Variants in DNAH1 observed in about 807,000 individuals in gnomAD.
DNAH1 encodes axonemal beta dynein heavy chain 1.
In DNAH1, 327 loss-of-function variants were observed where a neutral mutation model predicts 484.3. The ratio of observed to expected loss-of-function variants is 0.68; its 90% CI spans 0.62 to 0.74. The LOEUF is 0.74. Ranked by LOEUF, DNAH1 falls within the 30% of genes least tolerant of loss-of-function variation. DNAH1 has a pLI of 0.00. For missense variants in DNAH1, 5,052 were observed against 5,546.8 expected (o/e 0.91, Z 2.83); for synonymous variants, 2,192 against 2,191.9 (o/e 1.00, Z 0.00).
intron 3 of DNAH1, among the ~76,000 whole-genome samples, chr3:52,324,224 T>C (rs1222231175): frequency 6.6e-6 from 1 of 152,198 alleles, no homozygotes; most frequent in Non-Finnish European, 1.5e-5. Context: ...AGGCCAGGAC[T>C]GTCTGAGTTG....
intron 53 of DNAH1, 77 bp from the exon 54 acceptor site, chr3:52,385,260 A>G (rs1578187010): frequency 7.0e-7 from 1 of 1,420,264 alleles, no homozygotes; most frequent in Non-Finnish European, 9.7e-7. Context: ...TCTCTCATGA[A>G]TGAGGGCGGC....
chr3:52,390,832 A>ATT (rs1704339652), intron 60 of DNAH1, 103 bp from the exon 61 acceptor site: 2 of 1,499,906 alleles, frequency 1.3e-6, no homozygotes, highest in Non-Finnish European at 1.8e-6. Context: ...CAGTAAGGAG[A>ATT]GGGAAGTCCA....
chr3:52,369,770 C>A (rs995204620), intron 37 of DNAH1, 55 bp from the exon 38 acceptor site: 1 of 1,554,094 alleles, frequency 6.4e-7, no homozygotes, highest in Admixed American at 1.8e-5. Flanking sequence ...GCAGCCCTTT[C>A]TCCAGGCCTG....
chr3:52,376,180 C>T lies in DNAH1; in HGVS notation c.7198+187C>T, dbSNP rs374576660. Among the ~76,000 whole-genome samples the T allele has an allele frequency of 3.3e-5, 5 of 152,268 alleles. No homozygotes were observed. The East Asian group carries it at 9.6e-4, about 29-fold the overall frequency. On this transcript the variant is annotated intron_variant, in intron 46 of 77. Coordinates refer to ENST00000420323, the MANE Select transcript of DNAH1 (RefSeq NM_015512.5). ...ACTGGCTGCCCCATAGGCTCATTCACCCATTCTTAGAGCCCTTCCATGCCT... is the reference window on the plus strand; with the variant it reads ...ACTGGCTGCCCCATAGGCTCATTCATCCATTCTTAGAGCCCTTCCATGCCT...
At chr3:52,374,664 A>G in intron 44 of DNAH1, 3 of 1,454,460 alleles carry the variant, frequency 2.1e-6, no homozygotes, top group Non-Finnish European at 2.9e-6. Context: ...GATTCTGCCC[A>G]TCATGTTTCC....
In DNAH1 at chr3:52,361,508, G is replaced by A. The variant is rs1052848871; in HGVS notation, c.4875-153G>A. Among the ~76,000 whole-genome samples the A allele has an allele frequency of 2.0e-5, 3 of 152,200 alleles. No homozygotes were observed. Among genetic ancestry groups the A allele is most frequent in the African/African-American group, 7.2e-5 (3 of 41,452 alleles). On this transcript the variant is annotated intron_variant, in intron 29 of 77. Coordinates refer to ENST00000420323, the MANE Select transcript of DNAH1 (RefSeq NM_015512.5). This position sits in a 1 kb window ranked among gnomAD's most constrained non-coding sequence, Gnocchi z 5.6. ...ATCACGGCTTGGTCCTGGGGGCATTGGGGTGGGGAGTGGCAGTGGGTTGAA... is the reference window on the plus strand; with the variant it reads ...ATCACGGCTTGGTCCTGGGGGCATTAGGGTGGGGAGTGGCAGTGGGTTGAA...
Position 52,355,838 on chromosome 3 carries a change from T to A in DNAH1, c.3694-776T>A, listed in dbSNP as rs567387007. The stretch of plus-strand genomic sequence containing the variant: ...CAGCCTTGCCGACTCTCCCTCACCA[T>A]CCTTCAAGGGGTTCCCACCGAGGCC... On this transcript the variant is annotated intron_variant, in intron 21 of 77. Coordinates refer to ENST00000420323, the MANE Select transcript of DNAH1 (RefSeq NM_015512.5). The surrounding 1 kb of genome is among the most constrained non-coding windows in gnomAD (Gnocchi z 4.5). Among the ~76,000 whole-genome samples the A allele has an allele frequency of 3.9e-5, 6 of 152,330 alleles. No homozygotes were observed. The highest frequency in any genetic ancestry group is 1.4e-4 in the African/African-American group (6 of 41,578).
In DNAH1 at chr3:52,351,992, C is replaced by T; in HGVS notation, c.2760C>T (p.Ile920=). The T allele has an allele frequency of 6.2e-7, 1 of 1,602,170 alleles. No individual in the cohort carries two copies. The highest frequency in any genetic ancestry group is 8.5e-7 in the Non-Finnish European group (1 of 1,174,636). The change falls in exon 17 of 78, where the codon ATC becomes ATT. Residue 920 remains isoleucine, a synonymous_variant. Coordinates refer to ENST00000420323, the MANE Select transcript of DNAH1 (RefSeq NM_015512.5). ...KWIASNWPSK[I]LGQIELVQQQ... ...TTGCCAGCAACTGGCCTTCTAAGAT[C>T]CTTGGGCAGATAGAGCTGGTGCAGC...
At chr3:52,352,953 G>A in intron 18 of DNAH1, 150 bp from the exon 19 acceptor site, 1 of 970,884 alleles carries the variant, frequency 1.0e-6, no homozygotes, top group Non-Finnish European at 1.5e-6. Context: ...AGAGAAGAAG[G>A]GAGGCCAGGC....
chr3:52,396,760 A>G lies in DNAH1; in HGVS notation c.11573A>G (p.Lys3858Arg), dbSNP rs1578207734. Residue 3858 changes from lysine to arginine, a missense_variant, in exon 72 of 78, where the codon AAG (lysine) becomes AGG (arginine). Lys to Arg is a conservative substitution (Grantham distance 26, BLOSUM62 2). Coordinates refer to ENST00000420323, the MANE Select transcript of DNAH1 (RefSeq NM_015512.5). The stretch of plus-strand genomic sequence containing the variant: ...CTGCGCATCTGCATCAGCCAGCTCA[A>G]GATGTTCCTGGACGAATATGATGAC... Reference protein sequence around the residue: ...GDLRICISQLKMFLDEYDDIP... With the variant: ...GDLRICISQLRMFLDEYDDIP... 1 of 1,613,780 alleles carries G rather than the reference A, an allele frequency of 6.2e-7. No homozygotes were observed. The highest frequency in any genetic ancestry group is 1.3e-5 in the African/African-American group (1 of 75,032).
chr3:52,347,902 G>A lies in DNAH1; in HGVS notation c.2034G>A (p.Gln678=), dbSNP rs1702211719. The change falls in exon 12 of 78, where the codon CAG becomes CAA. Residue 678 remains glutamine (Q), a synonymous_variant. Transcript: ENST00000420323. ...SGVHYSTPLE[Q]FEASLLNLFD... ...TGCACTATAGCACCCCACTGGAGCA[G>A]TTTGAGGCATCTCTGCTGAACCTCT... 1 of 1,609,434 alleles carries A rather than the reference G, an allele frequency of 6.2e-7. No homozygotes were observed.
rs1293902980 is a variant in DNAH1 at position 52,354,914 on chromosome 3, C to T, written c.3552C>T (p.Thr1184=). The T allele has an allele frequency of 3.7e-6, 6 of 1,613,930 alleles. No individual in the cohort carries two copies. Among genetic ancestry groups the T allele is most frequent in the Admixed American group, 1.7e-5 (1 of 60,012 alleles). ...FNVLPYKATD[T]YILKSPDEAS... ...TACTGCCCTACAAGGCGACAGACAC[C>T]TACATCCTGAAGAGCCCGGACGAGG... The change falls in exon 21 of 78, where the codon ACC becomes ACT. Residue 1184 remains threonine (T), a synonymous_variant. Coordinates refer to ENST00000420323, the MANE Select transcript of DNAH1 (RefSeq NM_015512.5).
At position 52,364,857 on chromosome 3, in the gene DNAH1, C is replaced by T. The variant is rs759042431; in HGVS notation, c.5356C>T (p.Arg1786Cys). 58 of 1,613,776 alleles carry T rather than the reference C, an allele frequency of 3.6e-5. No homozygotes were observed. In the East Asian group the frequency reaches 9.6e-4, roughly 27 times the overall value. ...GGAGCTGATCTGCCTCCGGGCCATC[C>T]GTGATGTGAACGTGCCCAAGTTCCT... ...NEELICLRAI[R>C]DVNVPKFLQE... is the part of the protein sequence containing the mutation. The change falls in exon 34 of 78, where the codon CGT (arginine) becomes TGT (cysteine). Residue 1786 changes from arginine (R) to cysteine (C), a missense_variant. By Grantham distance (180) the Arg-to-Cys change is radical. Around this residue, in one of 4 missense-constraint regions of DNAH1, gnomAD observed 2,929 missense variants for 3,409.4 expected, o/e 0.86. Transcript: ENST00000420323. This position sits in a 1 kb window ranked among gnomAD's most constrained non-coding sequence, Gnocchi z 4.2.
In DNAH1 at chr3:52,388,571, T is replaced by C; in HGVS notation, c.9325T>C (p.Cys3109Arg). 1 of 1,612,366 alleles carries C rather than the reference T, an allele frequency of 6.2e-7. No individual in the cohort carries two copies. Among genetic ancestry groups the C allele is most frequent in the Non-Finnish European group, 8.5e-7 (1 of 1,179,450 alleles). ...CAAGAAGGAGGAGCTGGAGCTGAAG[T>C]GTGAGCAGTGTGAGCAGCGGCTGGG... ...ITKKEELELK[C>R]EQCEQRLGRA... Residue 3109 changes from cysteine to arginine, a missense_variant, in exon 58 of 78, where the codon TGT becomes CGT. By Grantham distance (180) the Cys-to-Arg change is radical. This residue lies in a region of DNAH1 where 2,929 missense variants were observed against 3,409.4 expected (regional missense o/e 0.86). Coordinates refer to ENST00000420323, the MANE Select transcript of DNAH1 (RefSeq NM_015512.5).
rs370368596 is a variant in DNAH1 at position 52,381,842 on chromosome 3, C to T, written c.7805+6C>T. ...ACAAGGCTCGCCTCGCACATGTGAGCGCCTCCAGGGCGTGCTGGGCAGTGG... is the reference window on the plus strand; with the variant it reads ...ACAAGGCTCGCCTCGCACATGTGAGTGCCTCCAGGGCGTGCTGGGCAGTGG... On this transcript the variant is annotated splice_donor_region_variant and intron_variant, in intron 49 of 77. Coordinates refer to ENST00000420323, the MANE Select transcript of DNAH1 (RefSeq NM_015512.5). The surrounding 1 kb of genome is among the most constrained non-coding windows in gnomAD (Gnocchi z 4.1). The T allele has an allele frequency of 7.3e-5, 115 of 1,575,214 alleles. 2 individuals are homozygous for T. In the South Asian group the frequency reaches 8.9e-4, roughly 12 times the overall value.
Position 52,381,530 on chromosome 3 carries a change from C to T in DNAH1, c.7609-110C>T, listed in dbSNP as rs1262620357. ...CTGGCCGGGTCACAGGTGGTCAAGG[C>T]ACCTGTGCTTCTCAGTCAGGACAGA... On this transcript the variant is annotated intron_variant, in intron 48 of 77. Transcript: ENST00000420323. This position sits in a 1 kb window ranked among gnomAD's most constrained non-coding sequence, Gnocchi z 4.1. 3.8e-6 allele frequency: 4 copies of T among 1,048,402 alleles called. No individual in the cohort carries two copies. The highest frequency in any genetic ancestry group is 5.5e-6 in the Non-Finnish European group (4 of 731,142). The allele number at this position is 1,048,402 out of a possible 1,614,324, so 64.9% of individuals were successfully genotyped here.
chr3:52,352,739 C>A lies in DNAH1; in HGVS notation c.3027+32C>A, dbSNP rs755483667. 9 of 1,593,604 alleles carry A rather than the reference C, an allele frequency of 5.6e-6. No homozygotes were observed. In the African/African-American group the frequency reaches 1.1e-4, roughly 19 times the overall value. On this transcript the variant is annotated intron_variant, in intron 18 of 77. Transcript: ENST00000420323. ...CTCCTGCAGGCACCCTGCCCCCATGCCCCCAGGCTTGAGGAAGCAGCTCAT... is the reference window on the plus strand; with the variant it reads ...CTCCTGCAGGCACCCTGCCCCCATGACCCCAGGCTTGAGGAAGCAGCTCAT...
intron 34 of DNAH1, 96 bp downstream of exon 34, chr3:52,365,115 G>T: frequency 6.8e-7 from 1 of 1,461,564 alleles, no homozygotes; most frequent in Non-Finnish European, 9.1e-7. Flanking sequence ...CAACCCCAGG[G>T]GCCCTCACAC....
intron 37 of DNAH1, 52 bp from the exon 38 acceptor site, chr3:52,369,773 C>A: frequency 6.4e-7 from 1 of 1,558,008 alleles, no homozygotes; most frequent in Non-Finnish European, 8.7e-7. Context: ...GCCCTTTCTC[C>A]AGGCCTGAGG....
Sources: allele counts gnomAD v4.1 joint callset (sites outside exome capture counted in the v4.1 genomes callset), GRCh38; gene constraint gnomAD v4.1.1; regional missense constraint gnomAD v4.1.1; non-coding constraint Gnocchi (gnomAD v3.1); transcripts MANE v1.5; gene names NCBI Gene and HGNC (gene_info 2026-07-23, HGNC 2026-07-21).